The following RBFOX1 variants were observed in gnomAD, a reference collection of about 807,000 sequenced individuals.
RBFOX1 encodes the protein RNA binding protein fox-1 homolog 1.
Under a neutral mutation model 57.7 loss-of-function variants are expected in RBFOX1, and 8 were observed. The ratio of observed to expected loss-of-function variants is 0.14; its 90% CI spans 0.08 to 0.25. The LOEUF (loss-of-function observed/expected upper bound fraction) is 0.25, where lower values mean the gene tolerates loss of function less well. Ranked by LOEUF, RBFOX1 falls within the 10% of genes least tolerant of loss-of-function variation. The pLI is 1.00. For synonymous variants in RBFOX1, 326 were observed against 222.4 expected (o/e 1.47, Z -4.15); for missense variants, 611 against 548.5 (o/e 1.11, Z -1.14).
chr16:5,871,205 C>A (rs575528992), intron 4 of RBFOX1, among the ~76,000 whole-genome samples: 1 of 152,310 alleles, frequency 6.6e-6, no homozygotes, highest in Non-Finnish European at 1.5e-5. Context: ...AGAGCTTTAT[C>A]TTCTGACCAA....
chr16:5,999,785 T>C (rs184390140), intron 4 of RBFOX1, among the ~76,000 whole-genome samples: 11,588 of 136,902 alleles, frequency 0.085, 790 homozygotes, highest in East Asian at 0.39. Context: ...GGCGTGAACC[T>C]GGGAGGCGGA....
rs370386061 is a variant in RBFOX1 at position 5,241,858 on chromosome 16, T to G, written c.219+1753T>G. Among the ~76,000 whole-genome samples, 12 of 152,028 alleles carry G rather than the reference T, an allele frequency of 7.9e-5. No individual in the cohort carries two copies. The East Asian group carries it at 2.1e-3, about 27-fold the overall frequency. On this transcript the variant is annotated intron_variant, in intron 1 of 2. Coordinates refer to the RBFOX1 transcript ENST00000585867. The stretch of plus-strand genomic sequence containing the variant: ...GCTCAAGCCAATAATTCCAGCACTT[T>G]GAGAGGCCGAAGGGGGAGGATCGCT...
At chr16:7,211,743 C>T (rs750000123) in intron 4 of RBFOX1, among the ~76,000 whole-genome samples, 1 of 152,120 alleles carries the variant, frequency 6.6e-6, no homozygotes, top group African/African-American at 2.4e-5. Context: ...TGGGCATTCG[C>T]CTGAACTAGG....
intron 2 of RBFOX1, among the ~76,000 whole-genome samples, chr16:6,353,455 C>A (rs2086748356): frequency 6.6e-6 from 1 of 151,320 alleles, no homozygotes; most frequent in African/African-American, 2.4e-5. Flanking sequence ...TATTTGATTT[C>A]TGTAATAAGC....
intron 2 of RBFOX1, among the ~76,000 whole-genome samples, chr16:6,552,356 A>C (rs559423370): frequency 3.3e-5 from 5 of 152,310 alleles, no homozygotes; most frequent in African/African-American, 1.2e-4. Context: ...TGAAAGACTC[A>C]GGGTGAAATT....
At chr16:7,530,275 C>G (rs2079710549) in intron 5 of RBFOX1, among the ~76,000 whole-genome samples, 1 of 152,112 alleles carries the variant, frequency 6.6e-6, no homozygotes, top group Non-Finnish European at 1.5e-5. Context: ...TCCCACTGTA[C>G]CATGCCCTTC....
intron 3 of RBFOX1, among the ~76,000 whole-genome samples, chr16:6,804,293 C>T (rs8058818): frequency 0.21 from 31,718 of 151,996 alleles, 4,314 homozygotes; most frequent in Non-Finnish European, 0.3. Context: ...CAGGCATGAG[C>T]CACCCAGCCC....
At chr16:6,112,430 C>T (rs1211678267) in intron 1 of RBFOX1, among the ~76,000 whole-genome samples, 1 of 152,184 alleles carries the variant, frequency 6.6e-6, no homozygotes, top group African/African-American at 2.4e-5. Flanking sequence ...GTGACTCACG[C>T]CTGTAATCCC....
At chr16:6,549,552 T>TGGGAGGAG (rs1243569173) in intron 2 of RBFOX1, among the ~76,000 whole-genome samples, 2 of 36,736 alleles carry the variant, frequency 5.4e-5, no homozygotes, top group African/African-American at 2.1e-4. Context: ...AGGAGGAGGA[T>TGGGAGGAG]GGGAGGAGGG....
chr16:6,586,934 A>T (rs2097632573), intron 2 of RBFOX1, among the ~76,000 whole-genome samples: 1 of 152,056 alleles, frequency 6.6e-6, no homozygotes, highest in Non-Finnish European at 1.5e-5. Context: ...GATGTTTTGA[A>T]ATATATATAT....
chr16:5,334,722 C>T (rs1261611382), intron 1 of RBFOX1, among the ~76,000 whole-genome samples: 2 of 151,744 alleles, frequency 1.3e-5, no homozygotes, highest in African/African-American at 4.8e-5. Flanking sequence ...TTATAGGGTT[C>T]ATAGGAATAA....
intron 3 of RBFOX1, among the ~76,000 whole-genome samples, chr16:5,641,065 C>T (rs113882782): frequency 0.011 from 1,647 of 149,632 alleles, 29 homozygotes; most frequent in African/African-American, 0.038. Context: ...TACACCCATG[C>T]ACACCATACA....
At chr16:6,169,852 C>T (rs910404567) in intron 1 of RBFOX1, among the ~76,000 whole-genome samples, 2 of 152,156 alleles carry the variant, frequency 1.3e-5, no homozygotes, top group African/African-American at 4.8e-5. Context: ...GCAACCTCTG[C>T]CACCTGGGTT....
chr16:5,922,945 C>G (rs1318861519), intron 4 of RBFOX1, among the ~76,000 whole-genome samples: 1 of 152,178 alleles, frequency 6.6e-6, no homozygotes, highest in Non-Finnish European at 1.5e-5. Flanking sequence ...AAGTGATGGG[C>G]TCTTCCTTTC....
chr16:7,629,027 C>T (rs750975222), intron 10 of RBFOX1, among the ~76,000 whole-genome samples: 30 of 152,144 alleles, frequency 2.0e-4, no homozygotes, highest in African/African-American at 7.2e-4. Flanking sequence ...TAGTTAATTT[C>T]GAGTTAATTT....
chr16:7,056,839 G>T (rs1053519439), intron 4 of RBFOX1, among the ~76,000 whole-genome samples: 4 of 152,100 alleles, frequency 2.6e-5, no homozygotes, highest in African/African-American at 9.7e-5. Flanking sequence ...CTGCAATATG[G>T]CAATGTGACT....
chr16:5,828,867 C>G (rs1183028844), intron 3 of RBFOX1, among the ~76,000 whole-genome samples: 1 of 152,064 alleles, frequency 6.6e-6, no homozygotes, highest in Non-Finnish European at 1.5e-5. Flanking sequence ...TAATAAATTA[C>G]CATTACCCCC....
intron 3 of RBFOX1, among the ~76,000 whole-genome samples, chr16:5,852,956 C>T (rs752032821): frequency 7.9e-5 from 12 of 152,164 alleles, no homozygotes; most frequent in East Asian, 5.8e-4. Context: ...CTGTGCGTTA[C>T]GCTCTGAGTT....
intron 2 of RBFOX1, among the ~76,000 whole-genome samples, chr16:6,492,872 T>C (rs572333293): frequency 3.3e-5 from 5 of 152,200 alleles, no homozygotes; most frequent in African/African-American, 7.2e-5. Context: ...AAAGCAAACA[T>C]ACACATGCAA....
Sources: allele counts gnomAD v4.1 joint callset (sites outside exome capture counted in the v4.1 genomes callset), GRCh38; gene constraint gnomAD v4.1.1; transcripts MANE v1.5; gene names NCBI Gene and HGNC (gene_info 2026-07-23, HGNC 2026-07-21).